Variants in PCDHGB1 observed in about 807,000 individuals in gnomAD.
PCDHGB1 encodes the protein protocadherin gamma subfamily B, 1, also known as protocadherin gamma-B1.
PCDHGB1 carries 34 observed loss-of-function variants against 56.6 expected under a neutral mutation model. That is an observed-to-expected ratio of 0.60 (90% CI 0.46 to 0.80). The LOEUF (loss-of-function observed/expected upper bound fraction) is 0.80, where lower values mean the gene tolerates loss of function less well. PCDHGB1 is among the 30% of genes least tolerant of loss of function. The pLI is 0.00. For synonymous variants in PCDHGB1, 561 were observed against 505.9 expected (o/e 1.11, Z -1.46); for missense variants, 1,278 against 1,204.6 (o/e 1.06, Z -0.90).
rs368105487 is a variant in PCDHGB1 at position 141,489,478 on chromosome 5, A to G, written c.2410-5329A>G. On this transcript the variant is annotated intron_variant, in intron 1 of 3. Transcript: ENST00000523390. This position sits in a 1 kb window ranked among gnomAD's most constrained non-coding sequence, Gnocchi z 4.5. Reference sequence around the variant, plus strand: ...TGGGCGCTATTTTTCCCTGAGCTTGATGAGTGGTGCCCTGGCAGTGAATCA... The same window carrying G: ...TGGGCGCTATTTTTCCCTGAGCTTGGTGAGTGGTGCCCTGGCAGTGAATCA... The G allele has an allele frequency of 1.1e-5, 18 of 1,613,956 alleles. No individual in the cohort carries two copies. The highest frequency in any genetic ancestry group is 1.5e-5 in the Non-Finnish European group (18 of 1,180,030).
At chr5:141,364,863 T>C in intron 1 of PCDHGB1, 2 of 1,613,952 alleles carry the variant, frequency 1.2e-6, no homozygotes, top group Non-Finnish European at 1.7e-6. Context: ...AATCTGCACT[T>C]CTCTCTGGAT....
chr5:141,472,307 C>T (rs949288194), intron 1 of PCDHGB1, among the ~76,000 whole-genome samples: 2 of 150,368 alleles, frequency 1.3e-5, no homozygotes, highest in Admixed American at 6.6e-5. Flanking sequence ...TTTGGGAAGC[C>T]GAGGCAGGCA....
chr5:141,473,374 G>A (rs1437989884), intron 1 of PCDHGB1, among the ~76,000 whole-genome samples: 1 of 152,204 alleles, frequency 6.6e-6, no homozygotes, highest in African/African-American at 2.4e-5. Context: ...AAATAGCATG[G>A]TCCCTGCCCT....
At chr5:141,450,675 C>T (rs377412699) in intron 1 of PCDHGB1, among the ~76,000 whole-genome samples, 3 of 151,614 alleles carry the variant, frequency 2.0e-5, no homozygotes, top group South Asian at 4.2e-4. Flanking sequence ...TTAGTAGAAA[C>T]GGGGTTTTGC....
At chr5:141,488,738 ATGCAGGAAGT>A (rs771423337) in intron 1 of PCDHGB1, among the ~76,000 whole-genome samples, 1 of 152,222 alleles carries the variant, frequency 6.6e-6, no homozygotes, top group Non-Finnish European at 1.5e-5. Flanking sequence ...TTCTGAAGTC[ATGCAGGAAGT>A]TGCTGGGACA....
intron 1 of PCDHGB1, among the ~76,000 whole-genome samples, chr5:141,454,194 G>A (rs949915652): frequency 6.6e-5 from 10 of 152,304 alleles, no homozygotes; most frequent in Non-Finnish European, 4.4e-5. Context: ...CTTAGTGAAG[G>A]TGAATTTATT....
intron 1 of PCDHGB1, among the ~76,000 whole-genome samples, chr5:141,474,379 T>A (rs1451968368): frequency 6.6e-6 from 1 of 152,208 alleles, no homozygotes; most frequent in Non-Finnish European, 1.5e-5. Flanking sequence ...GAGGAGGGCA[T>A]TTCTGCATTT....
intron 1 of PCDHGB1, chr5:141,412,947 C>A (rs930035804): frequency 2.1e-6 from 1 of 474,890 alleles, no homozygotes; most frequent in African/African-American, 2.0e-5. Flanking sequence ...CTCTGAGCGC[C>A]GCTGTTCACC....
At chr5:141,375,677 G>C (rs1171088976) in intron 1 of PCDHGB1, 2 of 1,614,236 alleles carry the variant, frequency 1.2e-6, no homozygotes, top group African/African-American at 2.7e-5. Flanking sequence ...ACAGCTGTGG[G>C]TGACAGCCAG....
intron 1 of PCDHGB1, among the ~76,000 whole-genome samples, chr5:141,373,661 A>T (rs766983811): frequency 6.6e-6 from 1 of 152,270 alleles, no homozygotes; most frequent in Non-Finnish European, 1.5e-5. Context: ...AGATATTTTC[A>T]TAAAAATGAA....
chr5:141,379,938 C>G (rs1220422667), intron 1 of PCDHGB1, among the ~76,000 whole-genome samples: 1 of 86,936 alleles, frequency 1.2e-5, no homozygotes, highest in African/African-American at 4.3e-5. Context: ...CTTGCTCTGT[C>G]TCCCAGGCTG....
At chr5:141,473,066 A>G (rs1002054198) in intron 1 of PCDHGB1, among the ~76,000 whole-genome samples, 3 of 152,128 alleles carry the variant, frequency 2.0e-5, no homozygotes, top group African/African-American at 7.2e-5. Context: ...AACAAGTTAC[A>G]GCATCTTTGT....
chr5:141,404,592 C>T, intron 1 of PCDHGB1: 1 of 1,614,048 alleles, frequency 6.2e-7, no homozygotes, highest in African/African-American at 1.3e-5. Flanking sequence ...AGCAATGTGT[C>T]ATTGAGACTG....
At chr5:141,418,393 C>A in intron 1 of PCDHGB1, 1 of 1,613,984 alleles carries the variant, frequency 6.2e-7, no homozygotes, top group Non-Finnish European at 8.5e-7. Context: ...ACGAGTATTT[C>A]TCATTGGTGG....
At chr5:141,355,688 G>C (rs751731556) in intron 1 of PCDHGB1, 1 of 1,613,990 alleles carries the variant, frequency 6.2e-7, no homozygotes, top group Non-Finnish European at 8.5e-7. Flanking sequence ...CCGGATGTAG[G>C]TGTAAACTCC....
At chr5:141,440,770 G>A (rs2098199385) in intron 1 of PCDHGB1, 1 of 152,176 alleles carries the variant, frequency 6.6e-6, no homozygotes, top group African/African-American at 2.4e-5. Flanking sequence ...CCATCCCTTA[G>A]TGCTAGCAGC....
intron 1 of PCDHGB1, among the ~76,000 whole-genome samples, chr5:141,454,204 T>G (rs1161344350): frequency 3.3e-5 from 5 of 152,170 alleles, no homozygotes; most frequent in Non-Finnish European, 1.5e-5. Context: ...GTGAATTTAT[T>G]GACATGAATG....
At chr5:141,360,897 C>A in intron 1 of PCDHGB1, 4 of 1,614,016 alleles carry the variant, frequency 2.5e-6, no homozygotes, top group Non-Finnish European at 3.4e-6. Flanking sequence ...TGAGGGAGGA[C>A]GTGCCGCCGG....
chr5:141,428,305 G>T (rs751498223), intron 1 of PCDHGB1: 8 of 694,348 alleles, frequency 1.2e-5, no homozygotes. Flanking sequence ...GATTTACCTG[G>T]TCGTGGCCTT....
Sources: allele counts gnomAD v4.1 joint callset (sites outside exome capture counted in the v4.1 genomes callset), GRCh38; gene constraint gnomAD v4.1.1; non-coding constraint Gnocchi (gnomAD v3.1); transcripts MANE v1.5; gene names NCBI Gene and HGNC (gene_info 2026-07-23, HGNC 2026-07-21).